TLK1: variants seen among roughly 807,000 people sequenced by gnomAD.
TLK1 encodes the protein tousled like kinase 1.
A neutral mutation model predicts 105.3 loss-of-function variants in TLK1; 24 were observed. The ratio of observed to expected loss-of-function variants is 0.23; its 90% CI spans 0.17 to 0.32. The LOEUF is 0.32. Ranked by LOEUF, TLK1 falls within the 10% of genes least tolerant of loss-of-function variation. The pLI, the probability that TLK1 is intolerant of heterozygous loss-of-function variation, is 1.00. For synonymous variants in TLK1, 321 were observed against 310.4 expected, an observed-to-expected ratio of 1.03 and a Z score of -0.36; for missense variants, 558 against 910.5, an observed-to-expected ratio of 0.61 and a Z score of 4.98.
At chr2:171,012,880 A>C (rs1476248754) in intron 13 of TLK1, among the ~76,000 whole-genome samples, 3 of 152,314 alleles carry the variant, frequency 2.0e-5, no homozygotes, top group South Asian at 2.1e-4. Flanking sequence ...ATTTCTGCTT[A>C]GTTTCAAGCC....
chr2:171,149,000 C>T (rs1205389015), intron 1 of TLK1, among the ~76,000 whole-genome samples: 1 of 145,962 alleles, frequency 6.9e-6, no homozygotes, highest in African/African-American at 2.5e-5. Context: ...GATATGTATA[C>T]CAAAACTTAA....
At chr2:171,016,398 T>C (rs1469904769) in intron 12 of TLK1, among the ~76,000 whole-genome samples, 2 of 152,114 alleles carry the variant, frequency 1.3e-5, no homozygotes, top group African/African-American at 4.8e-5. Flanking sequence ...CCTCTCAAAG[T>C]GTTGGGATTA....
At chr2:171,149,502 A>C (rs1024072004) in intron 1 of TLK1, among the ~76,000 whole-genome samples, 1 of 152,234 alleles carries the variant, frequency 6.6e-6, no homozygotes, top group African/African-American at 2.4e-5. Flanking sequence ...CCAAAAGTAT[A>C]ATGCTGTCAA....
At chr2:171,181,094 C>A (rs937232155) in intron 1 of TLK1, among the ~76,000 whole-genome samples, 2 of 152,094 alleles carry the variant, frequency 1.3e-5, no homozygotes, top group African/African-American at 4.8e-5. Context: ...TCAACAGAAG[C>A]TGGAAGAATT....
At chr2:170,998,117 CT>C (rs1684170433) in intron 18 of TLK1, among the ~76,000 whole-genome samples, 1 of 151,940 alleles carries the variant, frequency 6.6e-6, no homozygotes, top group Non-Finnish European at 1.5e-5. Context: ...TACCACCTAC[CT>C]ACCTACCGAA....
At chr2:171,090,564 G>T (rs536424652) in intron 2 of TLK1, among the ~76,000 whole-genome samples, 4 of 152,082 alleles carry the variant, frequency 2.6e-5, no homozygotes, top group African/African-American at 9.7e-5. Flanking sequence ...TTATTTGAAC[G>T]GTTTTTTGCT....
At chr2:171,019,668 T>C (rs1428518469) in intron 12 of TLK1, among the ~76,000 whole-genome samples, 1 of 152,190 alleles carries the variant, frequency 6.6e-6, no homozygotes, top group Non-Finnish European at 1.5e-5. Context: ...ATTCTCAGCG[T>C]GCCTATAACC....
intron 1 of TLK1, among the ~76,000 whole-genome samples, chr2:171,182,465 G>A (rs1277819422): frequency 6.6e-6 from 1 of 152,110 alleles, no homozygotes; most frequent in African/African-American, 2.4e-5. Context: ...CAGGATCTAA[G>A]TCAAATCAAA....
chr2:171,090,037 G>A (rs1380437189), intron 2 of TLK1, among the ~76,000 whole-genome samples: 4 of 152,098 alleles, frequency 2.6e-5, no homozygotes, highest in Admixed American at 1.3e-4. Context: ...GCTACAAATC[G>A]ATTTAGTAAG....
At chr2:171,199,134 T>C (rs924999709) in intron 1 of TLK1, among the ~76,000 whole-genome samples, 1 of 152,228 alleles carries the variant, frequency 6.6e-6, no homozygotes, top group Non-Finnish European at 1.5e-5. Flanking sequence ...AGTAGTGTTA[T>C]ATTAGGAATG....
intron 13 of TLK1, among the ~76,000 whole-genome samples, chr2:171,013,513 T>G (rs1685030776): frequency 6.6e-6 from 1 of 151,722 alleles, no homozygotes. Context: ...TCCACCTTGC[T>G]GAGGCTCGTT....
At chr2:171,102,653 T>A (rs952488278) in intron 2 of TLK1, among the ~76,000 whole-genome samples, 3 of 152,238 alleles carry the variant, frequency 2.0e-5, no homozygotes, top group Non-Finnish European at 4.4e-5. Context: ...CGGTTTGATA[T>A]ATAAAAATTT....
intron 10 of TLK1, among the ~76,000 whole-genome samples, chr2:171,046,786 A>C (rs1026930786): frequency 5.9e-5 from 9 of 152,118 alleles, no homozygotes; most frequent in African/African-American, 2.2e-4. Flanking sequence ...TTGCTCAGTA[A>C]ATGTTTCTTG....
Position 171,073,948 on chromosome 2 carries a change from T to C in TLK1, c.330+8833A>G, listed in dbSNP as rs146104847. Among the ~76,000 whole-genome samples, 95 of 140,876 alleles carry C rather than the reference T, an allele frequency of 6.7e-4. 1 individual carries two copies. The East Asian group carries it at 0.021, about 31-fold the overall frequency. 92.4% of individuals were successfully genotyped at this position (140,876 alleles called of 152,430 possible). A position where few individuals can be genotyped will look rare whatever the true frequency, so the allele number is the denominator to read the frequency against. On this transcript the variant is annotated intron_variant, in intron 3 of 20. Coordinates refer to ENST00000431350, the MANE Select transcript of TLK1 (RefSeq NM_012290.5). ...CTGTGTCACCCAGGCTGGAGTGCAGTGGTGCAATCTCGGCTCACTGCAACC... is the reference window on the plus strand; with the variant it reads ...CTGTGTCACCCAGGCTGGAGTGCAGCGGTGCAATCTCGGCTCACTGCAACC...
At chr2:171,041,273 T>C (rs1290967331) in intron 11 of TLK1, among the ~76,000 whole-genome samples, 1 of 152,216 alleles carries the variant, frequency 6.6e-6, no homozygotes, top group African/African-American at 2.4e-5. Context: ...CCTCCTACCA[T>C]CTTTTCAACA....
chr2:171,196,762 C>T (rs1442542166), intron 1 of TLK1, among the ~76,000 whole-genome samples: 1 of 152,078 alleles, frequency 6.6e-6, no homozygotes, highest in Non-Finnish European at 1.5e-5. Flanking sequence ...CAGCCTGGTT[C>T]TATGAGAGAC....
chr2:171,038,251 T>C (rs943370313), intron 11 of TLK1, among the ~76,000 whole-genome samples: 9 of 152,192 alleles, frequency 5.9e-5, no homozygotes, highest in Admixed American at 3.9e-4. Flanking sequence ...ATCAGGTTTT[T>C]TCCCCTACAA....
At chr2:171,049,117 G>C (rs1453307321) in intron 10 of TLK1, among the ~76,000 whole-genome samples, 2 of 152,070 alleles carry the variant, frequency 1.3e-5, no homozygotes, top group Admixed American at 6.5e-5. Flanking sequence ...ATAGAAACTG[G>C]GGGCTACAAA....
intron 3 of TLK1, among the ~76,000 whole-genome samples, chr2:171,080,983 A>T (rs1314991583): frequency 6.6e-6 from 1 of 152,164 alleles, no homozygotes; most frequent in Non-Finnish European, 1.5e-5. Context: ...TGGGATTACA[A>T]GCGTGAGCCC....
Sources: gnomAD v4.1 joint callset for allele counts (sites outside exome capture counted in the v4.1 genomes callset) on GRCh38, gnomAD v4.1.1 for gene constraint, MANE v1.5 for transcripts, NCBI Gene and HGNC (gene_info 2026-07-23, HGNC 2026-07-21) for gene names.